CHADL: variants seen among roughly 807,000 people sequenced by gnomAD.
CHADL encodes chondroadherin-like protein.
CHADL carries 48 observed loss-of-function variants against 52.1 expected under a neutral mutation model. That is an observed-to-expected ratio of 0.92 (90% CI 0.73 to 1.17). CHADL has a LOEUF of 1.17. Ranked by LOEUF, CHADL falls within the 50% of genes most tolerant of loss-of-function variation. The probability of loss-of-function intolerance (pLI) is 0.00; values close to 1 mark genes in which losing one functional copy is unlikely to be tolerated. For missense variants in CHADL, 977 were observed against 1,035.1 expected, an observed-to-expected ratio of 0.94 and a Z score of 0.77; for synonymous variants, 498 against 511.2, an observed-to-expected ratio of 0.97 and a Z score of 0.35.
At chr22:41,237,037 T>C in intron 3 of CHADL, 139 bp downstream of exon 3, 3 of 893,658 alleles carry the variant, frequency 3.4e-6, no homozygotes, top group African/African-American at 1.7e-5. Flanking sequence ...GTAGGGGCAG[T>C]CCTGGTTTAT....
intron 1 of CHADL, among the ~76,000 whole-genome samples, chr22:41,240,169 C>G (rs1028834433): frequency 1.3e-5 from 2 of 152,198 alleles, no homozygotes; most frequent in Non-Finnish European, 2.9e-5. Context: ...CTTACTGCAG[C>G]CTTCACCTCC....
At position 41,236,542 on chromosome 22, in the gene CHADL, G is replaced by T. The variant is rs995257805; in HGVS notation, c.2005C>A (p.Leu669Ile). 1.3e-6 allele frequency: 2 copies of T among 1,551,430 alleles called. No homozygotes were observed. Among genetic ancestry groups the T allele is most frequent in the Non-Finnish European group, 1.7e-6 (2 of 1,146,918 alleles). Residue 669 changes from leucine (L) to isoleucine (I), a missense_variant, in exon 4 of 6, where the codon CTC becomes ATC. Physicochemically the swap from Leu to Ile is conservative, Grantham distance 5 (BLOSUM62 2). Transcript: ENST00000216241. ...AAGGGATTGCTGCTGAGGTCGATGA[G>T]CTCCAGCTGGCTGAGACTGGGCAGG... ...PALPSLSQLELIDLSSNPFHC... is the reference protein window; with the variant it reads ...PALPSLSQLEIIDLSSNPFHC...
rs181435937 is a variant in CHADL at position 41,235,834 on chromosome 22, G to T, written c.2064-491C>A. Among the ~76,000 whole-genome samples the T allele has an allele frequency of 2.0e-5, 3 of 152,120 alleles. No individual in the cohort carries two copies. The South Asian group carries it at 6.2e-4, about 32-fold the overall frequency. On this transcript the variant is annotated intron_variant, in intron 4 of 5. Transcript: ENST00000216241. ...TTAGTTGGTAAAATACCAGAGCCAG[G>T]ACTGGAGCCCAGGTCTGCAGGACTC... is the stretch of plus-strand genomic sequence containing the variant.
In CHADL at chr22:41,238,409, C is replaced by A; in HGVS notation, c.663G>T (p.Leu221=). Residue 221 remains leucine (L), a synonymous_variant, in exon 3 of 6, where the codon CTG becomes CTT. Transcript: ENST00000216241. This position sits in a 1 kb window ranked among gnomAD's most constrained non-coding sequence, Gnocchi z 4.9. ...LSLHHNELQA[L]PGPVLSQARG... The stretch of plus-strand genomic sequence containing the variant: ...GGGCCTGGGACAAGACAGGCCCGGG[C>A]AGAGCCTGGAGCTCGTTGTGGTGTA... 1 of 1,516,332 alleles carries A rather than the reference C, an allele frequency of 6.6e-7. No individual in the cohort carries two copies. The highest frequency in any genetic ancestry group is 8.8e-7 in the Non-Finnish European group (1 of 1,135,420). 93.9% of individuals were successfully genotyped at this position (1,516,332 alleles called of 1,614,324 possible).
Position 41,239,427 on chromosome 22 carries a change from C to A in CHADL, c.186+16G>T. The A allele has an allele frequency of 6.5e-7, 1 of 1,549,724 alleles. No individual in the cohort carries two copies. Among genetic ancestry groups the A allele is most frequent in the African/African-American group, 1.4e-5 (1 of 73,102 alleles). ...GCCCCACTGCCACTCTGTGCCTGTG[C>A]TCCTGCCCTGCTGACCTCAGGGATG... On this transcript the variant is annotated intron_variant, in intron 2 of 5. Coordinates refer to ENST00000216241, the MANE Select transcript of CHADL (RefSeq NM_138481.2).
rs1010069470 is a variant in CHADL at position 41,236,484 on chromosome 22, C to T, written c.2063G>A (p.Arg688Lys). Residue 688 changes from arginine to lysine, a missense_variant and splice_region_variant, in exon 4 of 6, where the codon AGG becomes AAG. Physicochemically the swap from Arg to Lys is conservative, Grantham distance 26 (BLOSUM62 2). Coordinates refer to ENST00000216241, the MANE Select transcript of CHADL (RefSeq NM_138481.2). ...TGGAGGTCTAGGTGGGGGTGCCCAC[C>T]TGTGCAGCGGAAGCAGCTGGCAGTC... ...HCDCQLLPLHRWLTGLNLRVG... is the reference protein window; with the variant it reads ...HCDCQLLPLHKWLTGLNLRVG... 5 of 1,550,582 alleles carry T rather than the reference C, an allele frequency of 3.2e-6. No individual in the cohort carries two copies. The African/African-American group carries it at 6.8e-5, about 21-fold the overall frequency.
Position 41,229,520 on chromosome 22 carries a change from G to GAATCCATTTTTATTCA in CHADL, c.*168_*183dup. ...TAAATACAACCCTAATGCTGGGTTT[G>GAATCCATTTTTATTCA]AATCCATTTTTATTCAAAGGGAAAA... On this transcript the variant is annotated 3_prime_UTR_variant, in exon 6 of 6. Coordinates refer to ENST00000216241, the MANE Select transcript of CHADL (RefSeq NM_138481.2). 1.2e-6 allele frequency: 2 copies of GAATCCATTTTTATTCA among 1,603,370 alleles called. No homozygotes were observed. Among genetic ancestry groups the GAATCCATTTTTATTCA allele is most frequent in the Non-Finnish European group, 1.7e-6 (2 of 1,172,014 alleles).
At chr22:41,232,158 CT>C (rs1405599954) in intron 5 of CHADL, among the ~76,000 whole-genome samples, 2 of 151,908 alleles carry the variant, frequency 1.3e-5, no homozygotes, top group Non-Finnish European at 2.9e-5. Context: ...CGATGAAACC[CT>C]GTCTCTACTA....
In CHADL at chr22:41,237,747, CG is replaced by C; in HGVS notation, c.1324del (p.Arg442GlufsTer34). 1.3e-6 allele frequency: 2 copies of C among 1,539,348 alleles called. No homozygotes were observed. Among genetic ancestry groups the C allele is most frequent in the Non-Finnish European group, 1.8e-6 (2 of 1,142,316 alleles). ...GTGGCCCAGGCCGGGGAAGGCCGCT[CG>C]GGGCACCGAGGGGAAGTGGTTCCGC... ...LRRNHFPSVP[R>X]AAFPGLGHLV... On this transcript the variant is annotated frameshift_variant, in exon 3 of 6. Transcript: ENST00000216241. LOFTEE classifies it high-confidence loss of function.
chr22:41,238,157 C>T lies in CHADL; in HGVS notation c.915G>A (p.Leu305=). 3.4e-6 allele frequency: 5 copies of T among 1,457,368 alleles called. No homozygotes were observed. Among genetic ancestry groups the T allele is most frequent in the African/African-American group, 1.5e-5 (1 of 67,374 alleles). The allele number at this position is 1,457,368 out of a possible 1,614,324, so 90.3% of individuals were successfully genotyped here. The change falls in exon 3 of 6, where the codon CTG becomes CTA. Residue 305 remains leucine (L), a synonymous_variant. Coordinates refer to ENST00000216241, the MANE Select transcript of CHADL (RefSeq NM_138481.2). The surrounding 1 kb of genome is among the most constrained non-coding windows in gnomAD (Gnocchi z 4.9). ...PLQGPGQLRR[L]RLQGNPLWCG... Reference sequence around the variant, plus strand: ...ACCACAGCGGATTCCCCTGCAGCCGCAGCCGGCGCAGCTGGCCCGGGCCCT... The same window carrying T: ...ACCACAGCGGATTCCCCTGCAGCCGTAGCCGGCGCAGCTGGCCCGGGCCCT...
chr22:41,229,594 C>A lies in CHADL; in HGVS notation c.*110G>T. The A allele has an allele frequency of 6.2e-7, 1 of 1,613,746 alleles. No individual in the cohort carries two copies. ...CCCCTCAGACAGGGGTCCAAGAAGC[C>A]CCTGCTGGAGGACGACCCTCAGGGT... On this transcript the variant is annotated 3_prime_UTR_variant, in exon 6 of 6. Coordinates refer to ENST00000216241, the MANE Select transcript of CHADL (RefSeq NM_138481.2).
At chr22:41,231,482 C>A (rs1488071422) in intron 5 of CHADL, among the ~76,000 whole-genome samples, 1 of 152,168 alleles carries the variant, frequency 6.6e-6, no homozygotes, top group Non-Finnish European at 1.5e-5. Flanking sequence ...TGTGAGTTCC[C>A]CAGAGATGGA....
In CHADL at chr22:41,231,579, G is replaced by A. The variant is rs113798232; in HGVS notation, c.2263-1849C>T. Among the ~76,000 whole-genome samples, 652 of 152,372 alleles carry A rather than the reference G, an allele frequency of 4.3e-3. 2 individuals carry two copies. Among genetic ancestry groups the A allele is most frequent in the Middle Eastern group, 0.041 (12 of 294 alleles). ...GAAATGGGAATGTGCGCATGACCACGTGTTGCTGGTGCCTAGAGGTCAGCT... is the reference window on the plus strand; with the variant it reads ...GAAATGGGAATGTGCGCATGACCACATGTTGCTGGTGCCTAGAGGTCAGCT... On this transcript the variant is annotated intron_variant, in intron 5 of 5. Coordinates refer to ENST00000216241, the MANE Select transcript of CHADL (RefSeq NM_138481.2).
At position 41,238,324 on chromosome 22, in the gene CHADL, C is replaced by G; in HGVS notation, c.748G>C (p.Gly250Arg). The change falls in exon 3 of 6, where the codon GGG becomes CGG. Residue 250 changes from glycine (G) to arginine (R), a missense_variant. Physicochemically the swap from Gly to Arg is moderately radical, Grantham distance 125. Transcript: ENST00000216241. The surrounding 1 kb of genome is among the most constrained non-coding windows in gnomAD (Gnocchi z 4.9). ...NPLTYAGEEDGLALPGLRELL... is the reference protein window; with the variant it reads ...NPLTYAGEEDRLALPGLRELL... ...TCCCGCAGGCCGGGCAGCGCCAGCC[C>G]GTCCTCCTCGCCCGCGTAGGTGAGC... The G allele has an allele frequency of 1.3e-6, 2 of 1,522,268 alleles. No homozygotes were observed. Among genetic ancestry groups the G allele is most frequent in the Non-Finnish European group, 1.8e-6 (2 of 1,141,352 alleles). The allele number at this position is 1,522,268 out of a possible 1,614,324, so 94.3% of individuals were successfully genotyped here.
At position 41,237,987 on chromosome 22, in the gene CHADL, G is replaced by C; in HGVS notation, c.1085C>G (p.Ala362Gly). Reference sequence around the variant, plus strand: ...CTCTTCCAGCTCTTCCTCTTCCTGCGCCGCGTCCCCAGGGCAGCGCAGGTC... The same window carrying C: ...CTCTTCCAGCTCTTCCTCTTCCTGCCCCGCGTCCCCAGGGCAGCGCAGGTC... ...PWDLRCPGDA[A>G]QEEEELEERA... Residue 362 changes from alanine to glycine, a missense_variant, in exon 3 of 6, where the codon GCG becomes GGG. Coordinates refer to ENST00000216241, the MANE Select transcript of CHADL (RefSeq NM_138481.2). 1 of 1,259,206 alleles carries C rather than the reference G, an allele frequency of 7.9e-7. No homozygotes were observed. Among genetic ancestry groups the C allele is most frequent in the Non-Finnish European group, 9.9e-7 (1 of 1,007,192 alleles). 78.0% of individuals were successfully genotyped at this position (1,259,206 alleles called of 1,614,324 possible). A position where few individuals can be genotyped will look rare whatever the true frequency, so the allele number is the denominator to read the frequency against.
Position 41,238,988 on chromosome 22 carries a change from A to AT in CHADL, c.187-104dup. 1 of 1,399,138 alleles carries AT rather than the reference A, an allele frequency of 7.1e-7. No individual in the cohort carries two copies. Among genetic ancestry groups the AT allele is most frequent in the South Asian group, 1.5e-5 (1 of 68,184 alleles). 86.7% of individuals were successfully genotyped at this position (1,399,138 alleles called of 1,614,324 possible). A position where few individuals can be genotyped will look rare whatever the true frequency, so the allele number is the denominator to read the frequency against. On this transcript the variant is annotated intron_variant, in intron 2 of 5. Transcript: ENST00000216241. This position sits in a 1 kb window ranked among gnomAD's most constrained non-coding sequence, Gnocchi z 4.9. ...ACTCTTTTCTCCTGTCACCTTTCCCATATTTCTCTTCATCCGACCCCTGAC... is the reference window on the plus strand; with the variant it reads ...ACTCTTTTCTCCTGTCACCTTTCCCATTATTTCTCTTCATCCGACCCCTGAC...
In CHADL at chr22:41,238,160, C is replaced by A. The variant is rs2145637536; in HGVS notation, c.912G>T (p.Arg304=). 6.9e-7 allele frequency: 1 copy of A among 1,458,510 alleles called. No homozygotes were observed. Among genetic ancestry groups the A allele is most frequent in the Non-Finnish European group, 9.0e-7 (1 of 1,112,996 alleles). The allele number at this position is 1,458,510 out of a possible 1,614,324, so 90.3% of individuals were successfully genotyped here. The change falls in exon 3 of 6, where the codon CGG becomes CGT. Residue 304 remains arginine, a synonymous_variant. Coordinates refer to ENST00000216241, the MANE Select transcript of CHADL (RefSeq NM_138481.2). The surrounding 1 kb of genome is among the most constrained non-coding windows in gnomAD (Gnocchi z 4.9). The part of the protein sequence containing the change: ...PPLQGPGQLR[R]LRLQGNPLWC... ...ACAGCGGATTCCCCTGCAGCCGCAG[C>A]CGGCGCAGCTGGCCCGGGCCCTGCA... is the stretch of plus-strand genomic sequence containing the variant.
intron 1 of CHADL, 75 bp downstream of exon 1, chr22:41,240,799 G>A (rs745411364): frequency 2.0e-6 from 3 of 1,522,080 alleles, no homozygotes; most frequent in East Asian, 4.9e-5. Context: ...GAGAGGCCCA[G>A]AGGGGGCAGA....
In CHADL at chr22:41,236,474, G is replaced by A; in HGVS notation, c.2063+10C>T. ...GGTCTTTGGCTGGAGGTCTAGGTGG[G>A]GGTGCCCACCTGTGCAGCGGAAGCA... On this transcript the variant is annotated intron_variant, in intron 4 of 5. Transcript: ENST00000216241. 6.5e-7 allele frequency: 1 copy of A among 1,549,696 alleles called. No homozygotes were observed. The highest frequency in any genetic ancestry group is 8.7e-7 in the Non-Finnish European group (1 of 1,146,160).
Sources: gnomAD v4.1 joint callset for allele counts (sites outside exome capture counted in the v4.1 genomes callset) on GRCh38, gnomAD v4.1.1 for gene constraint, Gnocchi (gnomAD v3.1) non-coding constraint, MANE v1.5 for transcripts, NCBI Gene and HGNC (gene_info 2026-07-23, HGNC 2026-07-21) for gene names.